PPM1F: variants seen among roughly 807,000 people sequenced by gnomAD.
The protein encoded by PPM1F is protein phosphatase 1F.
PPM1F carries 17 observed loss-of-function variants against 35.5 expected under a neutral mutation model. That is an observed-to-expected ratio of 0.48 (90% CI 0.33 to 0.72). PPM1F has a LOEUF of 0.72. Among genes scored for constraint, PPM1F ranks in the 30% least tolerant of loss-of-function variants. PPM1F has a pLI of 0.02. For missense variants in PPM1F, 521 were observed against 613.0 expected, an observed-to-expected ratio of 0.85 and a Z score of 1.59; for synonymous variants, 241 against 255.5, an observed-to-expected ratio of 0.94 and a Z score of 0.54.
In PPM1F at chr22:21,922,924, G is replaced by T; in HGVS notation, c.*168C>A. The T allele has an allele frequency of 1.2e-6, 1 of 861,022 alleles. No homozygotes were observed. Among genetic ancestry groups the T allele is most frequent in the Non-Finnish European group, 1.8e-6 (1 of 556,322 alleles). 53.3% of individuals were successfully genotyped at this position (861,022 alleles called of 1,614,324 possible). On this transcript the variant is annotated 3_prime_UTR_variant, in exon 8 of 8. Coordinates refer to ENST00000263212, the MANE Select transcript of PPM1F (RefSeq NM_014634.4). ...GCCCGCCACCCAGTGCAGTTCCACA[G>T]CCACCAGGACGGGCTGCGGGGGGTG...
At chr22:21,938,320 C>T in intron 3 of PPM1F, 3 of 1,213,270 alleles carry the variant, frequency 2.5e-6, no homozygotes, top group Non-Finnish European at 3.2e-6. Context: ...CAGCTGCCAC[C>T]GGCCGGAAGC....
At chr22:21,927,750 C>T (rs928296163) in intron 6 of PPM1F, among the ~76,000 whole-genome samples, 5 of 152,172 alleles carry the variant, frequency 3.3e-5, no homozygotes, top group African/African-American at 1.2e-4. Context: ...ACAGGCTGCG[C>T]CGGCTCCCCG....
At chr22:21,929,569 G>T (rs1308565323) in intron 6 of PPM1F, among the ~76,000 whole-genome samples, 2 of 152,238 alleles carry the variant, frequency 1.3e-5, no homozygotes, top group Non-Finnish European at 2.9e-5. Context: ...AGGTGTGCAG[G>T]CAGCAGGTGG....
Position 21,925,648 on chromosome 22 carries a change from G to C in PPM1F, c.906C>G (p.Arg302=). 1 of 1,591,270 alleles carries C rather than the reference G, an allele frequency of 6.3e-7. No homozygotes were observed. The highest frequency in any genetic ancestry group is 8.6e-7 in the Non-Finnish European group (1 of 1,164,390). The stretch of plus-strand genomic sequence containing the variant: ...ACACAAAGCCACCCAATGCTTCAAT[G>C]CGCGCCTTCTCATCCTGCAGAAACA... ...HRPERQDEKA[R]IEALGGFVSH... Residue 302 remains arginine, a synonymous_variant, in exon 7 of 8, where the codon CGC becomes CGG. Coordinates refer to ENST00000263212, the MANE Select transcript of PPM1F (RefSeq NM_014634.4).
At chr22:21,952,569 T>C (rs2070851729) in intron 1 of PPM1F, 1 of 124,734 alleles carries the variant, frequency 8.0e-6, no homozygotes, top group African/African-American at 3.0e-5. Context: ...GGGTTCCTCA[T>C]GTCCGCAGCG....
rs1737475772 is a variant in PPM1F at position 21,934,225 on chromosome 22, C to T, written c.357G>A (p.Leu119=). Residue 119 remains leucine (L), a splice_region_variant and synonymous_variant, in exon 4 of 8, where the codon TTG becomes TTA. Coordinates refer to ENST00000263212, the MANE Select transcript of PPM1F (RefSeq NM_014634.4). The part of the protein sequence containing the change: ...DDEEEKAPVT[L]LDAQSLAQSF... ...TCTGTGCCAGGCTTTGGGCATCCAGCACTGATGGGCACAATGGAGGGATTG... is the reference window on the plus strand; with the variant it reads ...TCTGTGCCAGGCTTTGGGCATCCAGTACTGATGGGCACAATGGAGGGATTG... 2 of 1,562,310 alleles carry T rather than the reference C, an allele frequency of 1.3e-6. No homozygotes were observed. The highest frequency in any genetic ancestry group is 1.7e-6 in the Non-Finnish European group (2 of 1,151,532).
Position 21,922,944 on chromosome 22 carries a change from G to C in PPM1F, c.*148C>G, listed in dbSNP as rs186058960. 2.6e-5 allele frequency: 28 copies of C among 1,070,772 alleles called. No individual in the cohort carries two copies. The East Asian group carries it at 6.3e-4, about 24-fold the overall frequency. 66.3% of individuals were successfully genotyped at this position (1,070,772 alleles called of 1,614,324 possible). On this transcript the variant is annotated 3_prime_UTR_variant, in exon 8 of 8. Transcript: ENST00000263212. ...CCACAGCCACCAGGACGGGCTGCGG[G>C]GGGTGTCCCGACTGGCTCTGGGGTG...
chr22:21,926,248 C>T (rs1352855250), intron 6 of PPM1F, among the ~76,000 whole-genome samples: 1 of 151,830 alleles, frequency 6.6e-6, no homozygotes, highest in African/African-American at 2.4e-5. Context: ...TCTCCTGCCT[C>T]AGCCTCCTGA....
Position 21,922,964 on chromosome 22 carries a change from G to T in PPM1F, c.*128C>A. ...TGCGGGGGGTGTCCCGACTGGCTCT[G>T]GGGTGCTGGGGAAAGCACTGTGGGG... is the stretch of plus-strand genomic sequence containing the variant. On this transcript the variant is annotated 3_prime_UTR_variant, in exon 8 of 8. Coordinates refer to ENST00000263212, the MANE Select transcript of PPM1F (RefSeq NM_014634.4). 1 of 1,266,540 alleles carries T rather than the reference G, an allele frequency of 7.9e-7. No homozygotes were observed. Among genetic ancestry groups the T allele is most frequent in the Non-Finnish European group, 1.1e-6 (1 of 913,494 alleles). The allele number at this position is 1,266,540 out of a possible 1,614,324, so 78.5% of individuals were successfully genotyped here.
rs2070462669 is a variant in PPM1F at position 21,922,872 on chromosome 22, G to A, written c.*220C>T. 2 of 581,224 alleles carry A rather than the reference G, an allele frequency of 3.4e-6. No individual in the cohort carries two copies. Among genetic ancestry groups the A allele is most frequent in the African/African-American group, 1.9e-5 (1 of 54,002 alleles). 36.0% of individuals were successfully genotyped at this position (581,224 alleles called of 1,614,324 possible). On this transcript the variant is annotated 3_prime_UTR_variant, in exon 8 of 8. Transcript: ENST00000263212. ...AGCCGGTCCATCTTCTCTTTGGTGA[G>A]GTCTCCTAAGCTGCCTTCCACCATC... is the stretch of plus-strand genomic sequence containing the variant.
intron 1 of PPM1F, chr22:21,950,445 C>A (rs1465036008): frequency 6.6e-6 from 1 of 151,226 alleles, no homozygotes; most frequent in African/African-American, 2.4e-5. Flanking sequence ...GTTTTGACTC[C>A]TAAGCTTAAC....
At chr22:21,943,512 G>C (rs979752601) in intron 2 of PPM1F, 1 of 152,160 alleles carries the variant, frequency 6.6e-6, no homozygotes, top group African/African-American at 2.4e-5. Context: ...CCTCCTGCTC[G>C]CACCCATCAC....
chr22:21,924,683 C>T lies in PPM1F; in HGVS notation c.985+886G>A, dbSNP rs150201879. 3.6e-3 allele frequency among the ~76,000 whole-genome samples: 546 copies of T among 151,782 alleles called. 5 individuals carry two copies. Among genetic ancestry groups the T allele is most frequent in the African/African-American group, 0.013 (523 of 41,370 alleles). Reference sequence around the variant, plus strand: ...CCTCTGGGTTCAAGCACTTCTCCTCCCTCAGCCTCCCAAGTAACTGAGATT... The same window carrying T: ...CCTCTGGGTTCAAGCACTTCTCCTCTCTCAGCCTCCCAAGTAACTGAGATT... On this transcript the variant is annotated intron_variant, in intron 7 of 7. Coordinates refer to ENST00000263212, the MANE Select transcript of PPM1F (RefSeq NM_014634.4).
chr22:21,936,409 C>T (rs2070659654), intron 3 of PPM1F: 1 of 152,078 alleles, frequency 6.6e-6, no homozygotes, highest in East Asian at 1.9e-4. Flanking sequence ...TTTCTTAATA[C>T]TTCCCCAGTT....
At chr22:21,923,690 TTTTTC>T (rs2070476015) in intron 7 of PPM1F, among the ~76,000 whole-genome samples, 1 of 151,954 alleles carries the variant, frequency 6.6e-6, no homozygotes, top group African/African-American at 2.4e-5. Flanking sequence ...CTTTTTTTCT[TTTTTC>T]TTTTTTGAGA....
chr22:21,925,218 A>G (rs2070497906), intron 7 of PPM1F: 2 of 393,278 alleles, frequency 5.1e-6, no homozygotes. Flanking sequence ...CCCAAAAGAG[A>G]AAAAAGGATT....
intron 6 of PPM1F, among the ~76,000 whole-genome samples, chr22:21,927,460 AC>A (rs947243996): frequency 6.6e-6 from 1 of 152,172 alleles, no homozygotes; most frequent in African/African-American, 2.4e-5. Flanking sequence ...TGTCTCCCAC[AC>A]ACCCCAGCCC....
Position 21,923,411 on chromosome 22 carries a change from G to A in PPM1F, c.1046C>T (p.Thr349Met), listed in dbSNP as rs144940091. The A allele has an allele frequency of 5.6e-5, 91 of 1,613,712 alleles. 1 individual carries two copies. In the South Asian group the frequency reaches 5.8e-4, roughly 10 times the overall value. Residue 349 changes from threonine (T) to methionine (M), a missense_variant, in exon 8 of 8, where the codon ACG becomes ATG. Thr to Met is a moderately conservative substitution (Grantham distance 81). Transcript: ENST00000263212. ...AAGCAGCAGGTAGTCCTCGGAGCCC[G>A]TCAGCGCCCGGGAAGCTGCATCGGC... ...GEADAASRAL[T>M]GSEDYLLLAC...
intron 7 of PPM1F, among the ~76,000 whole-genome samples, chr22:21,924,633 C>T (rs1200464275): frequency 2.0e-5 from 3 of 150,426 alleles, no homozygotes; most frequent in East Asian, 2.0e-4. Flanking sequence ...TGCAGTGGCA[C>T]GATCTCCGCT....
Sources: gnomAD v4.1 joint callset for allele counts (sites outside exome capture counted in the v4.1 genomes callset) on GRCh38, gnomAD v4.1.1 for gene constraint, MANE v1.5 for transcripts, NCBI Gene and HGNC (gene_info 2026-07-23, HGNC 2026-07-21) for gene names.